Variants in SRGAP1 observed in about 807,000 individuals in gnomAD.
SRGAP1 encodes the protein SLIT-ROBO Rho GTPase activating protein 1.
SRGAP1 carries 43 observed loss-of-function variants against 121.9 expected under a neutral mutation model. The ratio of observed to expected loss-of-function variants is 0.35; its 90% CI spans 0.28 to 0.46. SRGAP1 has a LOEUF of 0.46. SRGAP1 is among the 20% of genes least tolerant of loss of function. The pLI, the probability that SRGAP1 is intolerant of heterozygous loss-of-function variation, is 1.00. For missense variants in SRGAP1, 1,102 were observed against 1,350.9 expected (o/e 0.82, Z 2.89); for synonymous variants, 447 against 485.4 (o/e 0.92, Z 1.04).
intron 1 of SRGAP1, among the ~76,000 whole-genome samples, chr12:63,909,000 C>T (rs1042486316): frequency 6.6e-5 from 10 of 152,182 alleles, no homozygotes; most frequent in East Asian, 1.9e-4. Context: ...AAGTGATTCT[C>T]GTGCCTCAGC....
chr12:63,905,486 G>T (rs2030157252), intron 1 of SRGAP1, among the ~76,000 whole-genome samples: 1 of 152,192 alleles, frequency 6.6e-6, no homozygotes, highest in South Asian at 2.1e-4. Flanking sequence ...ATGTGCCAGA[G>T]CTTATGCATT....
chr12:63,945,284 A>G (rs1335096495), intron 1 of SRGAP1, among the ~76,000 whole-genome samples: 2 of 149,764 alleles, frequency 1.3e-5, no homozygotes, highest in Non-Finnish European at 3.0e-5. Flanking sequence ...TTTTTTAAAT[A>G]CTTTAAGTTT....
intron 17 of SRGAP1, among the ~76,000 whole-genome samples, chr12:64,114,710 A>G (rs1219945399): frequency 2.0e-5 from 3 of 152,164 alleles, no homozygotes; most frequent in African/African-American, 7.2e-5. Flanking sequence ...TGTTCATTTT[A>G]TAAAAGAGCA....
intron 1 of SRGAP1, among the ~76,000 whole-genome samples, chr12:63,871,500 T>G (rs1239359276): frequency 2.0e-5 from 3 of 152,274 alleles, no homozygotes; most frequent in Admixed American, 1.3e-4. Context: ...GCTAGCACAT[T>G]TCAGTTTTCT....
At chr12:63,967,335 G>T (rs574931244) in intron 1 of SRGAP1, among the ~76,000 whole-genome samples, 41 of 152,242 alleles carry the variant, frequency 2.7e-4, no homozygotes, top group African/African-American at 9.6e-4. Flanking sequence ...CCAGTTACTC[G>T]GGAGGCTGAA....
rs547111181 is a variant in SRGAP1, at chr12:64,108,873, T to C, written c.1814-59T>C. On this transcript the variant is annotated intron_variant, in intron 15 of 21. Coordinates refer to ENST00000355086, the MANE Select transcript of SRGAP1 (RefSeq NM_020762.4). ...TGTACCGGTAATACATGTACTGCAGTGTTCTGTTTTAAATGTGGCAAGTGA... is the reference window on the plus strand; with the variant it reads ...TGTACCGGTAATACATGTACTGCAGCGTTCTGTTTTAAATGTGGCAAGTGA... 3.3e-6 allele frequency: 4 copies of C among 1,209,542 alleles called. No individual in the cohort carries two copies. In the African/African-American group the frequency reaches 6.0e-5, roughly 18 times the overall value. The allele number at this position is 1,209,542 out of a possible 1,614,324, so 74.9% of individuals were successfully genotyped here.
chr12:64,075,235 C>T (rs1050999073), intron 8 of SRGAP1, among the ~76,000 whole-genome samples: 4 of 152,156 alleles, frequency 2.6e-5, no homozygotes, highest in South Asian at 2.1e-4. Flanking sequence ...TTATGGGAAA[C>T]GAAGGGATGG....
chr12:64,035,650 T>C (rs1303269226), intron 4 of SRGAP1, among the ~76,000 whole-genome samples: 1 of 152,202 alleles, frequency 6.6e-6, no homozygotes, highest in African/African-American at 2.4e-5. Context: ...TTCAGGAGTG[T>C]TTTATAAATG....
intron 1 of SRGAP1, among the ~76,000 whole-genome samples, chr12:63,896,074 A>G (rs1900745296): frequency 6.6e-6 from 1 of 151,974 alleles, no homozygotes; most frequent in Non-Finnish European, 1.5e-5. Context: ...TCTGCCACAT[A>G]CTCATAGTGT....
At chr12:63,926,173 C>T (rs2031253197) in intron 1 of SRGAP1, among the ~76,000 whole-genome samples, 1 of 152,114 alleles carries the variant, frequency 6.6e-6, no homozygotes, top group Non-Finnish European at 1.5e-5. Context: ...TTCCTCACAC[C>T]ATCAATTACA....
intron 8 of SRGAP1, among the ~76,000 whole-genome samples, chr12:64,074,594 T>C (rs1356268953): frequency 6.6e-6 from 1 of 152,156 alleles, no homozygotes; most frequent in Non-Finnish European, 1.5e-5. Context: ...CTACTCACCT[T>C]TTAATACATA....
chr12:63,934,848 TC>T (rs2031609534), intron 1 of SRGAP1, among the ~76,000 whole-genome samples: 1 of 152,210 alleles, frequency 6.6e-6, no homozygotes, highest in East Asian at 1.9e-4. Context: ...TTCTATAATA[TC>T]CCTACCTCAC....
intron 18 of SRGAP1, among the ~76,000 whole-genome samples, chr12:64,122,461 TA>T (rs2036618668): frequency 6.6e-6 from 1 of 151,762 alleles, no homozygotes; most frequent in Non-Finnish European, 1.5e-5. Flanking sequence ...GTAGAAAGAG[TA>T]AAAATAATGA....
At chr12:63,973,177 G>C (rs2033005445) in intron 1 of SRGAP1, among the ~76,000 whole-genome samples, 1 of 152,022 alleles carries the variant, frequency 6.6e-6, no homozygotes, top group South Asian at 2.1e-4. Context: ...TGATAGAAAT[G>C]ACACTAGACC....
intron 1 of SRGAP1, among the ~76,000 whole-genome samples, chr12:63,948,943 CAT>C (rs375119612): frequency 2.2e-5 from 1 of 45,098 alleles, no homozygotes; most frequent in African/African-American, 6.8e-5. Flanking sequence ...ATATATTTTC[CAT>C]ATATATATTC....
chr12:64,142,571 C>T lies in SRGAP1; in HGVS notation c.3157C>T (p.Pro1053Ser). 6.2e-7 allele frequency: 1 copy of T among 1,614,222 alleles called. No homozygotes were observed. The highest frequency in any genetic ancestry group is 1.1e-5 in the South Asian group (1 of 91,084). ...CAGAATGGGCGTGCAGCTGAAGCCT[C>T]CAGCCCTTAGGCCAAAACCTGCTGT... ...APRMGVQLKPPALRPKPAVLP... is the reference protein window; with the variant it reads ...APRMGVQLKPSALRPKPAVLP... Residue 1053 changes from proline to serine, a missense_variant, in exon 22 of 22, where the codon CCA becomes TCA. Pro to Ser is a moderately conservative substitution (Grantham distance 74). Coordinates refer to ENST00000355086, the MANE Select transcript of SRGAP1 (RefSeq NM_020762.4).
intron 1 of SRGAP1, among the ~76,000 whole-genome samples, chr12:63,927,580 A>T (rs943204709): frequency 8.5e-5 from 13 of 152,068 alleles, no homozygotes; most frequent in Admixed American, 2.0e-4. Context: ...TTTGTTCTTT[A>T]GTTCATACTG....
At chr12:64,013,987 T>C (rs1267336080) in intron 3 of SRGAP1, among the ~76,000 whole-genome samples, 3 of 152,188 alleles carry the variant, frequency 2.0e-5, no homozygotes, top group African/African-American at 7.2e-5. Context: ...TGATGTGGCC[T>C]TTTCACTCAA....
chr12:63,959,352 A>G (rs2136377204), intron 1 of SRGAP1, among the ~76,000 whole-genome samples: 1 of 152,250 alleles, frequency 6.6e-6, no homozygotes, highest in Admixed American at 6.5e-5. Flanking sequence ...TTCCTAATTC[A>G]GTATTGGTGC....
Sources: gnomAD v4.1 joint callset for allele counts (sites outside exome capture counted in the v4.1 genomes callset) on GRCh38, gnomAD v4.1.1 for gene constraint, MANE v1.5 for transcripts, NCBI Gene and HGNC (gene_info 2026-07-23, HGNC 2026-07-21) for gene names.